Variants in TTC6 observed in about 807,000 individuals in gnomAD.
The protein encoded by TTC6 is tetratricopeptide repeat domain 6, also known as tetratricopeptide repeat protein 6.
A neutral mutation model predicts 210.4 loss-of-function variants in TTC6; 172 were observed. The ratio of observed to expected loss-of-function variants is 0.82; its 90% CI spans 0.72 to 0.93. The LOEUF (loss-of-function observed/expected upper bound fraction) is 0.93. Ranked by LOEUF, TTC6 falls within the 40% of genes least tolerant of loss-of-function variation. TTC6 has a pLI of 0.00. For synonymous variants in TTC6, 804 were observed against 819.6 expected, an observed-to-expected ratio of 0.98 and a Z score of 0.32; for missense variants, 2,414 against 2,318.1, an observed-to-expected ratio of 1.04 and a Z score of -0.85.
chr14:37,733,396 A>G (rs2095893162), intron 7 of TTC6, among the ~76,000 whole-genome samples: 1 of 152,192 alleles, frequency 6.6e-6, no homozygotes, highest in African/African-American at 2.4e-5. Flanking sequence ...AATTTGTTTT[A>G]AGAGGAGGGG....
chr14:37,766,324 C>T (rs1381250338), intron 14 of TTC6, among the ~76,000 whole-genome samples: 1 of 152,130 alleles, frequency 6.6e-6, no homozygotes, highest in African/African-American at 2.4e-5. Context: ...GTGATAAGCA[C>T]AGTAACCAAT....
At chr14:37,739,235 G>C in intron 10 of TTC6, 80 bp downstream of exon 12, 1 of 1,317,128 alleles carries the variant, frequency 7.6e-7, no homozygotes, top group Non-Finnish European at 1.0e-6. Flanking sequence ...ACCCCATGAA[G>C]TTATTATTTT....
intron 1 of TTC6, among the ~76,000 whole-genome samples, chr14:37,670,285 A>G (rs984992232): frequency 6.6e-6 from 1 of 152,156 alleles, no homozygotes; most frequent in Non-Finnish European, 1.5e-5. Flanking sequence ...CAAATACTGT[A>G]GCAATGACAC....
At chr14:37,767,122 C>A (rs950658477) in intron 14 of TTC6, among the ~76,000 whole-genome samples, 1 of 152,172 alleles carries the variant, frequency 6.6e-6, no homozygotes, top group Non-Finnish European at 1.5e-5. Context: ...CTACAAAGGA[C>A]AAGAACTCAT....
At chr14:37,735,483 G>A (rs2138916079) in intron 7 of TTC6, among the ~76,000 whole-genome samples, 1 of 152,180 alleles carries the variant, frequency 6.6e-6, no homozygotes, top group Middle Eastern at 3.4e-3. Context: ...AAAGTATAAA[G>A]CACTTAAGGC....
intron 26 of TTC6, among the ~76,000 whole-genome samples, chr14:37,820,944 TCTC>T (rs1269988809): frequency 7.4e-6 from 1 of 135,858 alleles, no homozygotes; most frequent in Non-Finnish European, 1.5e-5. Context: ...TCCTCCTTCT[TCTC>T]CTCCTCCTTC....
intron 10 of TTC6, among the ~76,000 whole-genome samples, chr14:37,743,345 C>T (rs946821429): frequency 4.6e-5 from 7 of 152,134 alleles, no homozygotes; most frequent in African/African-American, 9.7e-5. Flanking sequence ...AGTTCATCCA[C>T]GGTCTGCATT....
At chr14:37,759,364 G>T (rs1234928072) in intron 14 of TTC6, among the ~76,000 whole-genome samples, 1 of 152,136 alleles carries the variant, frequency 6.6e-6, no homozygotes. Context: ...TTTCTGCAGA[G>T]AAATCCACTG....
chr14:37,611,066 G>A (rs1247061753), intron 2 of TTC6, among the ~76,000 whole-genome samples: 1 of 152,246 alleles, frequency 6.6e-6, no homozygotes, highest in Admixed American at 6.5e-5. Flanking sequence ...GCCGGGAGAA[G>A]TGAGGCCTGG....
intron 3 of TTC6, 45 bp downstream of exon 5, chr14:37,683,009 TGAG>T: frequency 6.6e-7 from 1 of 1,510,338 alleles, no homozygotes; most frequent in East Asian, 2.5e-5. Context: ...TTATGAGAAT[TGAG>T]GATGTGCAGG....
intron 1 of TTC6, among the ~76,000 whole-genome samples, chr14:37,677,702 G>T (rs905269052): frequency 7.2e-5 from 11 of 151,856 alleles, no homozygotes; most frequent in Non-Finnish European, 1.6e-4. Flanking sequence ...GTTAGACTGA[G>T]TATTTGTTCA....
chr14:37,713,496 C>T (rs1039361607), intron 5 of TTC6, among the ~76,000 whole-genome samples: 1 of 152,114 alleles, frequency 6.6e-6, no homozygotes, highest in African/African-American at 2.4e-5. Flanking sequence ...CCTCAGCCTC[C>T]CAAAGTGCTG....
intron 4 of TTC6, among the ~76,000 whole-genome samples, chr14:37,699,425 C>A (rs2095820681): frequency 1.3e-5 from 2 of 152,244 alleles, no homozygotes; most frequent in East Asian, 1.9e-4. Context: ...TGAACCCAGG[C>A]AGTCTGACTC....
At chr14:37,728,450 G>T (rs1400695109) in intron 7 of TTC6, among the ~76,000 whole-genome samples, 3 of 151,188 alleles carry the variant, frequency 2.0e-5, no homozygotes, top group African/African-American at 4.9e-5. Context: ...TTCTCCACTT[G>T]TTACTAACAG....
At chr14:37,672,809 C>T (rs553084588) in intron 1 of TTC6, among the ~76,000 whole-genome samples, 1 of 140,458 alleles carries the variant, frequency 7.1e-6, no homozygotes, top group South Asian at 2.2e-4. Context: ...GCAAGCTTTT[C>T]ATGAATTCCT....
chr14:37,796,191 A>C, intron 18 of TTC6, 103 bp from the exon 21 acceptor site: 1 of 501,204 alleles, frequency 2.0e-6, no homozygotes, highest in Non-Finnish European at 3.6e-6. Context: ...TAAGTAAATA[A>C]GAATGAATAT....
At chr14:37,667,227 G>T (rs2095749914) in intron 1 of TTC6, among the ~76,000 whole-genome samples, 1 of 150,174 alleles carries the variant, frequency 6.7e-6, no homozygotes. Context: ...GGGGGAGAAG[G>T]ACTCCTCTTC....
intron 29 of TTC6, among the ~76,000 whole-genome samples, chr14:37,835,509 C>T (rs919743722): frequency 3.3e-5 from 5 of 152,104 alleles, no homozygotes; most frequent in African/African-American, 1.2e-4. Context: ...GGGAGCAGAA[C>T]ACACTACCCA....
intron 29 of TTC6, chr14:37,837,527 G>A (rs1257858781): frequency 2.4e-6 from 1 of 413,552 alleles, no homozygotes; most frequent in Non-Finnish European, 4.8e-6. Flanking sequence ...CAAAGTTCAT[G>A]GAGTATTGCC....
Sources: allele counts gnomAD v4.1 joint callset (sites outside exome capture counted in the v4.1 genomes callset), GRCh38; gene constraint gnomAD v4.1.1; transcripts MANE v1.5; gene names NCBI Gene and HGNC (gene_info 2026-07-23, HGNC 2026-07-21).